WIPF1: variants seen among roughly 807,000 people sequenced by gnomAD.
WIPF1 encodes the protein WAS/WASL interacting protein family member 1, also known as WAS/WASL-interacting protein family member 1.
In WIPF1, 13 loss-of-function variants were observed where a neutral mutation model predicts 35.4. The observed-to-expected ratio is 0.37, with a 90% CI of 0.24 to 0.58. The LOEUF (loss-of-function observed/expected upper bound fraction) is 0.58. WIPF1 is among the 20% of genes least tolerant of loss of function. The pLI is 0.74. For synonymous variants in WIPF1, 267 were observed against 266.3 expected (o/e 1.00, Z -0.02); for missense variants, 591 against 667.0 (o/e 0.89, Z 1.25).
intron 1 of WIPF1, among the ~76,000 whole-genome samples, chr2:174,618,639 A>G (rs1489111271): frequency 6.6e-6 from 1 of 152,176 alleles, no homozygotes; most frequent in African/African-American, 2.4e-5. Flanking sequence ...TTCAATTCTC[A>G]CAACCCTGTA....
intron 1 of WIPF1, among the ~76,000 whole-genome samples, chr2:174,653,106 A>G (rs1291507742): frequency 1.3e-5 from 2 of 152,200 alleles, no homozygotes; most frequent in Admixed American, 1.3e-4. Context: ...CCCATTTTAC[A>G]AATAAGGAAA....
intron 1 of WIPF1, among the ~76,000 whole-genome samples, chr2:174,660,936 TGGTGCTGGAAAGCACCTGAC>T (rs1198420275): frequency 2.6e-5 from 4 of 152,230 alleles, no homozygotes; most frequent in African/African-American, 9.6e-5. Flanking sequence ...TGCCTAGGGC[TGGTGCTGGAAAGCACCTGAC>T]GGAGGCTGGA....
intron 1 of WIPF1, among the ~76,000 whole-genome samples, chr2:174,670,195 A>T (rs976381435): frequency 1.3e-5 from 2 of 151,968 alleles, no homozygotes; most frequent in African/African-American, 2.4e-5. Context: ...CTGCCCCCCC[A>T]TCCCACTGAT....
chr2:174,680,902 G>T (rs1688232262), intron 1 of WIPF1, among the ~76,000 whole-genome samples: 1 of 152,108 alleles, frequency 6.6e-6, no homozygotes, highest in African/African-American at 2.4e-5. Context: ...GTAGAGCAAA[G>T]ATTATCAAGC....
intron 1 of WIPF1, among the ~76,000 whole-genome samples, chr2:174,634,035 A>G (rs1263715792): frequency 3.3e-5 from 5 of 152,238 alleles, no homozygotes. Context: ...ATACAAGCCA[A>G]AAGATGAGTT....
At chr2:174,615,978 C>T (rs532148111) in intron 1 of WIPF1, among the ~76,000 whole-genome samples, 1 of 152,290 alleles carries the variant, frequency 6.6e-6, no homozygotes. Context: ...GCTTTACTGC[C>T]ATCCCTCAGT....
chr2:174,567,445 A>C (rs1684697588), intron 6 of WIPF1, among the ~76,000 whole-genome samples: 1 of 152,246 alleles, frequency 6.6e-6, no homozygotes, highest in Non-Finnish European at 1.5e-5. Context: ...GCTGGGGGCT[A>C]AGGTATGGGA....
chr2:174,664,682 C>G (rs1687852861), intron 1 of WIPF1, among the ~76,000 whole-genome samples: 1 of 152,254 alleles, frequency 6.6e-6, no homozygotes, highest in African/African-American at 2.4e-5. Context: ...GGCCCACTTA[C>G]AAGTCAAACC....
intron 4 of WIPF1, among the ~76,000 whole-genome samples, chr2:174,573,887 T>C (rs1684957251): frequency 6.6e-6 from 1 of 151,292 alleles, no homozygotes; most frequent in South Asian, 2.1e-4. Context: ...AGAACTTTCT[T>C]CTTCTTTTTT....
At position 174,571,935 on chromosome 2, in the gene WIPF1, G is replaced by C. The variant is rs2105806273; in HGVS notation, c.870C>G (p.Asn290Lys). ...GCGGAGTGGAAGGCACTGGAGGCTT[G>C]TTGTTCTGAGGAGGAGGAGGGGGAA... ...EAVPPPPPQN[N>K]KPPVPSTPRP... is the part of the protein sequence containing the mutation. Residue 290 changes from asparagine to lysine, a missense_variant, in exon 5 of 8, where the codon AAC becomes AAG. Asn to Lys is a moderately conservative substitution (Grantham distance 94). Coordinates refer to ENST00000679041, the MANE Select transcript of WIPF1 (RefSeq NM_001375834.1). This position sits in a 1 kb window ranked among gnomAD's most constrained non-coding sequence, Gnocchi z 4.6. 6.3e-7 allele frequency: 1 copy of C among 1,597,312 alleles called. No individual in the cohort carries two copies. Among genetic ancestry groups the C allele is most frequent in the Non-Finnish European group, 8.5e-7 (1 of 1,172,074 alleles).
chr2:174,647,926 T>C (rs1014779120), intron 1 of WIPF1, among the ~76,000 whole-genome samples: 3 of 152,200 alleles, frequency 2.0e-5, no homozygotes, highest in Admixed American at 2.0e-4. Context: ...GGGATTGGGA[T>C]ATGTTTTGTT....
chr2:174,613,012 T>G (rs1574835645), intron 1 of WIPF1, among the ~76,000 whole-genome samples: 1 of 152,364 alleles, frequency 6.6e-6, no homozygotes, highest in East Asian at 1.9e-4. Context: ...TATGAGAATT[T>G]TTACCACTGT....
At chr2:174,618,567 T>C (rs1242220090) in intron 1 of WIPF1, among the ~76,000 whole-genome samples, 2 of 152,198 alleles carry the variant, frequency 1.3e-5, no homozygotes, top group East Asian at 3.8e-4. Flanking sequence ...AATGAGCATG[T>C]ACTGAGCTCT....
intron 2 of WIPF1, among the ~76,000 whole-genome samples, chr2:174,583,698 T>C (rs1383430546): frequency 6.6e-6 from 1 of 152,246 alleles, no homozygotes; most frequent in East Asian, 1.9e-4. Flanking sequence ...ATTTATTTAA[T>C]ATTTTTTATT....
chr2:174,592,038 G>A (rs973311397), intron 1 of WIPF1, among the ~76,000 whole-genome samples: 1 of 152,140 alleles, frequency 6.6e-6, no homozygotes, highest in Non-Finnish European at 1.5e-5. Context: ...GAAACTCAGG[G>A]TTTCTTCTTC....
chr2:174,678,877 G>A (rs113362166), intron 1 of WIPF1, among the ~76,000 whole-genome samples: 3 of 152,342 alleles, frequency 2.0e-5, no homozygotes, highest in East Asian at 1.9e-4. Context: ...TGAGATGACC[G>A]ACATGAAACA....
intron 3 of WIPF1, among the ~76,000 whole-genome samples, chr2:174,576,009 T>C (rs1685048406): frequency 6.6e-6 from 1 of 152,066 alleles, no homozygotes; most frequent in Non-Finnish European, 1.5e-5. Context: ...TACCAGCACT[T>C]TGGGAGGCTG....
intron 1 of WIPF1, among the ~76,000 whole-genome samples, chr2:174,588,975 A>T (rs1241489083): frequency 6.6e-6 from 1 of 152,226 alleles, no homozygotes; most frequent in East Asian, 1.9e-4. Flanking sequence ...ATGGTAACAC[A>T]GATGAGGGAG....
intron 1 of WIPF1, among the ~76,000 whole-genome samples, chr2:174,641,239 T>C (rs932805784): frequency 2.6e-5 from 4 of 152,248 alleles, no homozygotes; most frequent in African/African-American, 9.6e-5. Context: ...CTGGGTTTAC[T>C]GACTCCTTTT....
Sources: gnomAD v4.1 joint callset for allele counts (sites outside exome capture counted in the v4.1 genomes callset) on GRCh38, gnomAD v4.1.1 for gene constraint, Gnocchi (gnomAD v3.1) non-coding constraint, MANE v1.5 for transcripts, NCBI Gene and HGNC (gene_info 2026-07-23, HGNC 2026-07-21) for gene names.